Variants in PCDH15 observed in about 807,000 individuals in gnomAD.
PCDH15 encodes the protein protocadherin related 15.
In PCDH15, 129 loss-of-function variants were observed where a neutral mutation model predicts 178.5. The ratio of observed to expected loss-of-function variants is 0.72; its 90% confidence interval spans 0.63 to 0.84. The LOEUF is 0.84. PCDH15 is among the 40% of genes least tolerant of loss of function. PCDH15 has a pLI of 0.00. For synonymous variants in PCDH15, 800 were observed against 732.0 expected (o/e 1.09, Z -1.50); for missense variants, 2,230 against 2,099.9 (o/e 1.06, Z -1.21).
chr10:55,286,848 A>G (rs925607564), intron 1 of PCDH15, among the ~76,000 whole-genome samples: 2 of 151,938 alleles, frequency 1.3e-5, no homozygotes, highest in African/African-American at 4.8e-5. Context: ...TTTATTATAT[A>G]TTTCTTTTCA....
At chr10:55,003,844 C>A (rs1332984529) in intron 2 of PCDH15, among the ~76,000 whole-genome samples, 1 of 152,190 alleles carries the variant, frequency 6.6e-6, no homozygotes, top group African/African-American at 2.4e-5. Context: ...GTTAAGTTGA[C>A]AATTTCACTT....
intron 1 of PCDH15, among the ~76,000 whole-genome samples, chr10:55,214,455 A>AG (rs1554841616): frequency 3.3e-5 from 5 of 150,978 alleles, no homozygotes; most frequent in Non-Finnish European, 7.4e-5. Flanking sequence ...ACAAGTTTAA[A>AG]TTTTTTTTTG....
chr10:55,606,914 A>C (rs1263174435), intron 2 of PCDH15, among the ~76,000 whole-genome samples: 9 of 147,654 alleles, frequency 6.1e-5, no homozygotes, highest in Non-Finnish European at 4.5e-5. Flanking sequence ...AATTAAACTA[A>C]AGAGCTTCTG....
intron 3 of PCDH15, among the ~76,000 whole-genome samples, chr10:54,887,898 C>T (rs180938681): frequency 1.1e-4 from 17 of 152,200 alleles, no homozygotes; most frequent in Admixed American, 2.0e-4. Context: ...ACATCTTTTA[C>T]AATTTCCAAC....
intron 2 of PCDH15, among the ~76,000 whole-genome samples, chr10:55,065,726 T>C (rs1043169281): frequency 6.6e-6 from 1 of 152,050 alleles, no homozygotes; most frequent in African/African-American, 2.4e-5. Context: ...TAATAAAAAC[T>C]AAAGCTCCAT....
chr10:54,456,842 T>A (rs1371956907), intron 3 of PCDH15, among the ~76,000 whole-genome samples: 1 of 152,092 alleles, frequency 6.6e-6, no homozygotes, highest in Non-Finnish European at 1.5e-5. Flanking sequence ...TCACCAGATA[T>A]AATGGTTTAT....
At chr10:54,229,556 T>C (rs1445848784) in intron 9 of PCDH15, among the ~76,000 whole-genome samples, 2 of 152,166 alleles carry the variant, frequency 1.3e-5, no homozygotes, top group South Asian at 2.1e-4. Context: ...TGGGAGGTAA[T>C]TGAATCATGA....
intron 10 of PCDH15, among the ~76,000 whole-genome samples, chr10:54,210,609 G>A (rs111604066): frequency 0.01 from 1,528 of 152,098 alleles, 24 homozygotes; most frequent in African/African-American, 0.034. Flanking sequence ...GAATTAGACT[G>A]TTGACAAGAA....
chr10:55,217,149 C>G (rs926181161), intron 1 of PCDH15, among the ~76,000 whole-genome samples: 2 of 151,646 alleles, frequency 1.3e-5, no homozygotes, highest in Non-Finnish European at 2.9e-5. Flanking sequence ...GAAATAAACC[C>G]CTGTGATATA....
intron 3 of PCDH15, among the ~76,000 whole-genome samples, chr10:54,480,762 G>A (rs573479747): frequency 6.6e-6 from 1 of 152,076 alleles, no homozygotes; most frequent in South Asian, 2.1e-4. Flanking sequence ...TGGGGCAAGT[G>A]ATTGTCAACT....
At chr10:54,648,358 G>C (rs2135134759) in intron 2 of PCDH15, among the ~76,000 whole-genome samples, 1 of 152,158 alleles carries the variant, frequency 6.6e-6, no homozygotes, top group East Asian at 1.9e-4. Flanking sequence ...GACATTTGAA[G>C]ACAGCCATGA....
chr10:54,665,052 C>A (rs2094548862), intron 1 of PCDH15, among the ~76,000 whole-genome samples: 1 of 151,850 alleles, frequency 6.6e-6, no homozygotes, highest in South Asian at 2.1e-4. Flanking sequence ...TCAAAATGCT[C>A]TTGATTATAA....
chr10:55,609,402 A>G (rs185030523), intron 2 of PCDH15, among the ~76,000 whole-genome samples: 8 of 152,212 alleles, frequency 5.3e-5, no homozygotes, highest in Non-Finnish European at 2.9e-5. Context: ...CTTCCTTAAC[A>G]TCTCATAGCT....
intron 21 of PCDH15, among the ~76,000 whole-genome samples, chr10:53,971,640 G>A (rs1055791333): frequency 1.8e-4 from 28 of 151,826 alleles, no homozygotes; most frequent in Non-Finnish European, 2.1e-4. Context: ...CCTATACACC[G>A]ATAACAGACA....
intron 11 of PCDH15, among the ~76,000 whole-genome samples, chr10:54,194,888 C>A (rs957180934): frequency 3.3e-5 from 5 of 152,152 alleles, no homozygotes; most frequent in African/African-American, 1.2e-4. Context: ...ACTCTCTTTT[C>A]TGTGTGTATC....
At chr10:54,299,394 A>C (rs1457073403) in intron 8 of PCDH15, among the ~76,000 whole-genome samples, 1 of 152,164 alleles carries the variant, frequency 6.6e-6, no homozygotes, top group African/African-American at 2.4e-5. Flanking sequence ...TAGAAGTAGT[A>C]AAGAAAAAAC....
At chr10:54,644,032 T>C (rs1372483435) in intron 2 of PCDH15, among the ~76,000 whole-genome samples, 5 of 130,594 alleles carry the variant, frequency 3.8e-5, no homozygotes, top group Admixed American at 1.8e-4. Flanking sequence ...TGTGTTCTCA[T>C]TGTTCAATTC....
chr10:53,871,510 G>C (rs907952761), intron 26 of PCDH15, among the ~76,000 whole-genome samples: 7 of 148,936 alleles, frequency 4.7e-5, no homozygotes, highest in African/African-American at 1.7e-4. Flanking sequence ...ATATGACCAA[G>C]TCCAGTGTAA....
At chr10:54,771,156 T>C (rs997644975) in intron 1 of PCDH15, among the ~76,000 whole-genome samples, 1 of 152,088 alleles carries the variant, frequency 6.6e-6, no homozygotes, top group Admixed American at 6.5e-5. Context: ...TTAACCTTCA[T>C]GGTCTATTTC....
Sources: gnomAD v4.1 joint callset for allele counts (sites outside exome capture counted in the v4.1 genomes callset) on GRCh38, gnomAD v4.1.1 for gene constraint, MANE v1.5 for transcripts, NCBI Gene and HGNC (gene_info 2026-07-23, HGNC 2026-07-21) for gene names.